TBC1D30: variants seen among roughly 807,000 people sequenced by gnomAD.
The protein encoded by TBC1D30 is TBC1 domain family, member 30.
TBC1D30 carries 31 observed loss-of-function variants against 63.2 expected under a neutral mutation model. That is an observed-to-expected ratio of 0.49 (90% CI 0.37 to 0.66). TBC1D30 has a LOEUF of 0.66. Ranked by LOEUF, TBC1D30 falls within the 30% of genes least tolerant of loss-of-function variation. The pLI, the probability that TBC1D30 is intolerant of heterozygous loss-of-function variation, is 0.00. For missense variants in TBC1D30, 810 were observed against 953.6 expected (o/e 0.85, Z 1.98); for synonymous variants, 307 against 361.5 (o/e 0.85, Z 1.71).
At chr12:64,802,998 A>T (rs376492597) in intron 2 of TBC1D30, among the ~76,000 whole-genome samples, 34 of 152,136 alleles carry the variant, frequency 2.2e-4, no homozygotes, top group Non-Finnish European at 4.0e-4. Flanking sequence ...TTATAATCCT[A>T]TGGGTATATA....
upstream of TBC1D30, among the ~76,000 whole-genome samples, chr12:64,776,828 T>C (rs1370513673): frequency 6.6e-6 from 1 of 152,152 alleles, no homozygotes; most frequent in Non-Finnish European, 1.5e-5. Context: ...CAGGCCAAGA[T>C]CCTTGGTGAA....
intron 1 of TBC1D30, among the ~76,000 whole-genome samples, chr12:64,771,392 T>C (rs1870901845): frequency 6.6e-6 from 1 of 152,084 alleles, no homozygotes; most frequent in Non-Finnish European, 1.5e-5. Flanking sequence ...TGACCATGCT[T>C]TCTGAACTAT....
At chr12:64,818,438 C>CT in intron 2 of TBC1D30, 1 of 978,888 alleles carries the variant, frequency 1.0e-6, no homozygotes, top group Non-Finnish European at 1.2e-6. Flanking sequence ...AAACTGTAAA[C>CT]TATTTTTTTT....
At chr12:64,844,153 G>A (rs1217767798) in intron 8 of TBC1D30, among the ~76,000 whole-genome samples, 1 of 152,126 alleles carries the variant, frequency 6.6e-6, no homozygotes, top group Non-Finnish European at 1.5e-5. Flanking sequence ...GGATAAAAAA[G>A]ATTATTCTCA....
intron 8 of TBC1D30, among the ~76,000 whole-genome samples, chr12:64,852,869 C>G (rs1481925804): frequency 6.6e-6 from 1 of 152,110 alleles, no homozygotes; most frequent in Non-Finnish European, 1.5e-5. Flanking sequence ...AAGCTTTGTC[C>G]CAGAGGGGCA....
In TBC1D30 at chr12:64,838,716, C is replaced by T. The variant is rs754383027; in HGVS notation, c.797C>T (p.Thr266Met). The change falls in exon 7 of 12, where the codon ACG (threonine) becomes ATG (methionine). Residue 266 changes from threonine to methionine, a missense_variant. Thr to Met is a moderately conservative substitution (Grantham distance 81, BLOSUM62 -1). Coordinates refer to ENST00000539867, the MANE Select transcript of TBC1D30 (RefSeq NM_015279.2). ...GYEPPLTNVF[T>M]MQWFLTLFAT... is the part of the protein sequence containing the mutation. ...GAGCCCCCACTTACAAATGTCTTCACGATGCAGTGGTTTCTGACTCTCTTT... is the reference window on the plus strand; with the variant it reads ...GAGCCCCCACTTACAAATGTCTTCATGATGCAGTGGTTTCTGACTCTCTTT... 16 of 1,536,446 alleles carry T rather than the reference C, an allele frequency of 1.0e-5. No homozygotes were observed. The highest frequency in any genetic ancestry group is 1.3e-5 in the Non-Finnish European group (15 of 1,147,018).
chr12:64,785,396 C>A (rs1046675772), intron 1 of TBC1D30, among the ~76,000 whole-genome samples: 1 of 151,888 alleles, frequency 6.6e-6, no homozygotes, highest in African/African-American at 2.4e-5. Flanking sequence ...AATCTGCCCT[C>A]CTTGGCCTCC....
At chr12:64,850,733 T>C (rs191100303) in intron 8 of TBC1D30, among the ~76,000 whole-genome samples, 6 of 152,270 alleles carry the variant, frequency 3.9e-5, no homozygotes, top group Non-Finnish European at 7.4e-5. Flanking sequence ...GCCTGAAATT[T>C]TCTTTTTTTG....
rs116380849 is a variant in TBC1D30 at position 64,768,781 on chromosome 12, C to A, written c.-376+9132C>A. On this transcript the variant is annotated intron_variant, in intron 1 of 13. Coordinates refer to the TBC1D30 transcript ENST00000674237. ...ATTAATTTTGAGAAGGATCTTTCTT[C>A]TGATGTAACTGTTGCTGTTAAGACT... Among the ~76,000 whole-genome samples, 1,309 of 152,288 alleles carry A rather than the reference C, an allele frequency of 8.6e-3. 20 individuals carry two copies. Among genetic ancestry groups the A allele is most frequent in the African/African-American group, 0.03 (1,239 of 41,558 alleles).
At chr12:64,765,267 T>C (rs772624264) in intron 1 of TBC1D30, among the ~76,000 whole-genome samples, 12 of 150,506 alleles carry the variant, frequency 8.0e-5, no homozygotes, top group Middle Eastern at 3.3e-3. Flanking sequence ...CCGAGGCGGA[T>C]CATGAGGTCA....
At chr12:64,815,891 A>G (rs567150304) in intron 2 of TBC1D30, among the ~76,000 whole-genome samples, 5 of 151,916 alleles carry the variant, frequency 3.3e-5, no homozygotes, top group African/African-American at 1.2e-4. Context: ...GGCTCAGGTG[A>G]TCCGCCCCAG....
exon 1 of TBC1D30, chr12:64,759,544 C>A: frequency 2.7e-6 from 1 of 364,242 alleles, no homozygotes; most frequent in South Asian, 5.7e-5. Context: ...GGAAAAGGGG[C>A]GGAGAACCGG....
At chr12:64,785,754 T>A (rs1871532922) in intron 1 of TBC1D30, 2 of 654,982 alleles carry the variant, frequency 3.1e-6, no homozygotes, top group Non-Finnish European at 4.5e-6. Context: ...ATACATGTAA[T>A]CTTGAGTGAA....
At chr12:64,818,983 C>T (rs10784422) in intron 2 of TBC1D30, among the ~76,000 whole-genome samples, 101,886 of 152,064 alleles carry the variant, frequency 0.67, 34,478 homozygotes, top group East Asian at 0.9. Context: ...AAGAAGAATA[C>T]GATGAGATCT....
In TBC1D30 at chr12:64,824,802, C is replaced by G; in HGVS notation, c.-78C>G. The stretch of plus-strand genomic sequence containing the variant: ...AGCCGCAGACACTCACCCAGCTCCG[C>G]GAGCTCAGCCGCTCAGCGAGTGGGG... On this transcript the variant is annotated 5_prime_UTR_variant, in exon 1 of 12. Coordinates refer to ENST00000539867, the MANE Select transcript of TBC1D30 (RefSeq NM_015279.2). 1.4e-6 allele frequency: 2 copies of G among 1,479,882 alleles called. No individual in the cohort carries two copies. The highest frequency in any genetic ancestry group is 1.8e-6 in the Non-Finnish European group (2 of 1,115,358). The allele number at this position is 1,479,882 out of a possible 1,614,324, so 91.7% of individuals were successfully genotyped here.
chr12:64,813,681 T>G (rs1873354440), intron 2 of TBC1D30, among the ~76,000 whole-genome samples: 1 of 152,230 alleles, frequency 6.6e-6, no homozygotes, highest in Non-Finnish European at 1.5e-5. Flanking sequence ...AAGAATAGTG[T>G]TTGAATTTTT....
At chr12:64,855,738 T>C (rs1565680546) in intron 8 of TBC1D30, among the ~76,000 whole-genome samples, 1 of 152,224 alleles carries the variant, frequency 6.6e-6, no homozygotes, top group South Asian at 2.1e-4. Flanking sequence ...ATCTTGAATT[T>C]CTTTTGAATT....
chr12:64,791,490 A>C (rs1429834882), intron 2 of TBC1D30, among the ~76,000 whole-genome samples: 2 of 152,136 alleles, frequency 1.3e-5, no homozygotes, highest in East Asian at 3.8e-4. Context: ...TAGAATATTC[A>C]AGTGATGTTT....
At chr12:64,790,893 T>C (rs1334161368) in intron 2 of TBC1D30, among the ~76,000 whole-genome samples, 1 of 152,270 alleles carries the variant, frequency 6.6e-6, no homozygotes, top group East Asian at 1.9e-4. Context: ...CTTTGTAAAA[T>C]TATAAAAATA....
Sources: gnomAD v4.1 joint callset for allele counts (sites outside exome capture counted in the v4.1 genomes callset) on GRCh38, gnomAD v4.1.1 for gene constraint, MANE v1.5 for transcripts, NCBI Gene and HGNC (gene_info 2026-07-23, HGNC 2026-07-21) for gene names.